EMCN: variants seen among roughly 807,000 people sequenced by gnomAD.
EMCN encodes the protein MUC-14.
Under a neutral mutation model 38.4 loss-of-function variants are expected in EMCN, and 37 were observed. The ratio of observed to expected loss-of-function variants is 0.96; its 90% CI spans 0.74 to 1.27. The LOEUF (loss-of-function observed/expected upper bound fraction) is 1.27, where lower values mean the gene tolerates loss of function less well. Among genes scored for constraint, EMCN ranks in the 50% most tolerant of loss-of-function variants. EMCN has a pLI of 0.00. For missense variants in EMCN, 318 were observed against 302.8 expected (o/e 1.05, Z -0.37); for synonymous variants, 95 against 100.8 (o/e 0.94, Z 0.35).
intron 7 of EMCN, among the ~76,000 whole-genome samples, chr4:100,421,734 A>T (rs1162801653): frequency 1.3e-5 from 2 of 152,072 alleles, no homozygotes; most frequent in African/African-American, 4.8e-5. Flanking sequence ...AGTACTTTAT[A>T]ATGAAGTTAC....
intron 11 of EMCN, among the ~76,000 whole-genome samples, chr4:100,407,306 T>C (rs1033942132): frequency 6.6e-6 from 1 of 152,154 alleles, no homozygotes; most frequent in African/African-American, 2.4e-5. Context: ...GTGTTTTTGC[T>C]TTATAGCATC....
chr4:100,466,891 T>A (rs938923814), intron 3 of EMCN, among the ~76,000 whole-genome samples: 1 of 152,144 alleles, frequency 6.6e-6, no homozygotes, highest in Non-Finnish European at 1.5e-5. Flanking sequence ...AGAAAAATTC[T>A]TCAGCTGAGC....
chr4:100,494,111 G>A (rs932955333), intron 1 of EMCN, among the ~76,000 whole-genome samples: 2 of 152,032 alleles, frequency 1.3e-5, no homozygotes, highest in Non-Finnish European at 2.9e-5. Flanking sequence ...CTCAGCAAGA[G>A]GCCATCATGT....
At position 100,396,523 on chromosome 4, in the gene EMCN, T is replaced by C. The variant is rs1053461573; in HGVS notation, c.*1890A>G. The C allele has an allele frequency of 7.4e-5, 11 of 148,614 alleles. No homozygotes were observed. Among genetic ancestry groups the C allele is most frequent in the South Asian group, 2.1e-4 (1 of 4,726 alleles). The allele number at this position is 148,614 out of a possible 1,614,324, so 9.2% of individuals were successfully genotyped here. ...ATTATCTAGGTGTGCTGGGACTTTC[T>C]TTCTTTCTTTTTTTTCCTTTTTTTT... On this transcript the variant is annotated 3_prime_UTR_variant, in exon 12 of 12. Coordinates refer to ENST00000296420, the MANE Select transcript of EMCN (RefSeq NM_016242.4).
At chr4:100,441,685 G>T (rs1727521598) in intron 5 of EMCN, among the ~76,000 whole-genome samples, 2 of 151,764 alleles carry the variant, frequency 1.3e-5, no homozygotes, top group Non-Finnish European at 1.5e-5. Context: ...TTATGTTGTG[G>T]TTACCATGAA....
At chr4:100,468,777 A>C (rs539969616) in intron 3 of EMCN, among the ~76,000 whole-genome samples, 2 of 152,204 alleles carry the variant, frequency 1.3e-5, no homozygotes, top group South Asian at 4.1e-4. Flanking sequence ...TCCTATGTTC[A>C]TGGATTAAAA....
chr4:100,478,728 C>T (rs996130444), intron 2 of EMCN, among the ~76,000 whole-genome samples: 2 of 152,110 alleles, frequency 1.3e-5, no homozygotes, highest in Admixed American at 1.3e-4. Flanking sequence ...ACTTCTCTGA[C>T]CCATTACATT....
chr4:100,426,457 C>G (rs1045874635), intron 5 of EMCN, among the ~76,000 whole-genome samples: 1 of 152,126 alleles, frequency 6.6e-6, no homozygotes, highest in Non-Finnish European at 1.5e-5. Context: ...TCCCTATCAC[C>G]ATGTCAGATG....
At chr4:100,418,439 TAA>T (rs2110215287) in intron 8 of EMCN, among the ~76,000 whole-genome samples, 1 of 152,272 alleles carries the variant, frequency 6.6e-6, no homozygotes, top group African/African-American at 2.4e-5. Context: ...AATGTATCAT[TAA>T]GTTTATTATT....
intron 5 of EMCN, among the ~76,000 whole-genome samples, chr4:100,424,395 G>A (rs1024646266): frequency 6.6e-6 from 1 of 152,034 alleles, no homozygotes; most frequent in Non-Finnish European, 1.5e-5. Flanking sequence ...GGTACAGGGG[G>A]TATGCAGTCA....
rs1354889825 is a variant in EMCN at position 100,396,217 on chromosome 4, C to T, written c.*2196G>A. ...CATCTCTGTAAACTTCTCAATCCTC[C>T]TTTGACCTTTTTGAAAGATTTAATC... On this transcript the variant is annotated 3_prime_UTR_variant, in exon 12 of 12. Transcript: ENST00000296420. 6.6e-6 allele frequency: 1 copy of T among 152,132 alleles called. No individual in the cohort carries two copies. The highest frequency in any genetic ancestry group is 1.5e-5 in the Non-Finnish European group (1 of 68,022). 9.4% of individuals were successfully genotyped at this position (152,132 alleles called of 1,614,324 possible).
At chr4:100,464,545 T>C (rs914453435) in intron 4 of EMCN, among the ~76,000 whole-genome samples, 1 of 152,112 alleles carries the variant, frequency 6.6e-6, no homozygotes, top group Non-Finnish European at 1.5e-5. Context: ...ATATGCCCTT[T>C]ATCAAGTTGA....
intron 11 of EMCN, among the ~76,000 whole-genome samples, chr4:100,405,956 G>A (rs1290673173): frequency 4.6e-5 from 7 of 151,960 alleles, no homozygotes; most frequent in Admixed American, 6.6e-5. Flanking sequence ...ATCTTGGGAC[G>A]TTGTATTTTT....
At chr4:100,497,882 G>T (rs1729251573) in intron 1 of EMCN, among the ~76,000 whole-genome samples, 1 of 152,108 alleles carries the variant, frequency 6.6e-6, no homozygotes, top group Non-Finnish European at 1.5e-5. Context: ...AATGCATCAG[G>T]AAAGATGTAA....
chr4:100,434,451 G>C (rs1727293103), intron 5 of EMCN, among the ~76,000 whole-genome samples: 1 of 145,644 alleles, frequency 6.9e-6, no homozygotes, highest in Non-Finnish European at 1.5e-5. Context: ...GAGGTACAAA[G>C]AAGAGCTAAC....
In EMCN at chr4:100,422,967, A is replaced by G. The variant is rs369591372; in HGVS notation, c.568+54T>C. The G allele has an allele frequency of 2.6e-5, 40 of 1,554,786 alleles. No individual in the cohort carries two copies. The African/African-American group carries it at 3.4e-4, about 13-fold the overall frequency. On this transcript the variant is annotated intron_variant, in intron 7 of 11. Transcript: ENST00000296420. ...CTGATTCCTCTCCTTTACTGGTCAC[A>G]TTCAAACATTCTGCATATCTACTGC...
At chr4:100,413,813 C>T (rs1188974166) in intron 10 of EMCN, among the ~76,000 whole-genome samples, 1 of 152,156 alleles carries the variant, frequency 6.6e-6, no homozygotes, top group Non-Finnish European at 1.5e-5. Flanking sequence ...CTTACTATTT[C>T]CATGGTAATA....
At chr4:100,431,805 C>CTT in intron 5 of EMCN, among the ~76,000 whole-genome samples, 2 of 152,162 alleles carry the variant, frequency 1.3e-5, no homozygotes, top group Non-Finnish European at 2.9e-5. Context: ...ATTTCTCTCT[C>CTT]TCTCTCTCTC....
At chr4:100,479,879 G>C in intron 2 of EMCN, 38 bp downstream of exon 2, 2 of 1,557,612 alleles carry the variant, frequency 1.3e-6, no homozygotes, top group Non-Finnish European at 1.7e-6. Context: ...AATTTTATTT[G>C]TTAAAGTTAA....
Sources: allele counts gnomAD v4.1 joint callset (sites outside exome capture counted in the v4.1 genomes callset), GRCh38; gene constraint gnomAD v4.1.1; transcripts MANE v1.5; gene names NCBI Gene and HGNC (gene_info 2026-07-23, HGNC 2026-07-21).